Variants in LRP11 observed in about 807,000 individuals in gnomAD.
LRP11 encodes the protein LDL receptor related protein 11.
In LRP11, 25 loss-of-function variants were observed where a neutral mutation model predicts 43.1. The observed-to-expected ratio is 0.58, with a 90% CI of 0.42 to 0.81. The LOEUF (loss-of-function observed/expected upper bound fraction) is 0.81. Ranked by LOEUF, LRP11 falls within the 30% of genes least tolerant of loss-of-function variation. The pLI is 0.00. For missense variants in LRP11, 623 were observed against 665.1 expected (o/e 0.94, Z 0.70); for synonymous variants, 316 against 299.4 (o/e 1.06, Z -0.57).
chr6:149,862,315 C>G (rs1776917330), intron 1 of LRP11, among the ~76,000 whole-genome samples: 1 of 152,166 alleles, frequency 6.6e-6, no homozygotes, highest in Non-Finnish European at 1.5e-5. Flanking sequence ...TGAGCTCCGC[C>G]CCCATCTTGC....
At chr6:149,856,043 T>C (rs965146740) in intron 1 of LRP11, among the ~76,000 whole-genome samples, 5 of 152,260 alleles carry the variant, frequency 3.3e-5, no homozygotes, top group African/African-American at 1.2e-4. Context: ...CAATGGTTTA[T>C]GACTTTATAA....
At chr6:149,836,048 C>T (rs375880151) in intron 5 of LRP11, 37 bp downstream of exon 5, 5 of 1,571,738 alleles carry the variant, frequency 3.2e-6, no homozygotes, top group Non-Finnish European at 4.4e-6. Context: ...CTACAGAAAA[C>T]AAGGTTCTTC....
chr6:149,861,849 G>A (rs1776904915), intron 1 of LRP11, among the ~76,000 whole-genome samples: 1 of 152,162 alleles, frequency 6.6e-6, no homozygotes, highest in African/African-American at 2.4e-5. Context: ...TAAAATTTTT[G>A]TTCTATGGCA....
chr6:149,843,202 C>T (rs1351647048), intron 2 of LRP11, 78 bp from the exon 3 acceptor site: 1 of 1,564,904 alleles, frequency 6.4e-7, no homozygotes, highest in African/African-American at 1.4e-5. Flanking sequence ...ACCGAAAGTC[C>T]ATGTCCTCAG....
Position 149,858,766 on chromosome 6 carries a change from T to C in LRP11, c.613+4642A>G, listed in dbSNP as rs543531274. ...TAACCTAAGCTTCACAATTGCCACTTGAGTTTCCTAATCTGTACTACTGGA... is the reference window on the plus strand; with the variant it reads ...TAACCTAAGCTTCACAATTGCCACTCGAGTTTCCTAATCTGTACTACTGGA... On this transcript the variant is annotated intron_variant, in intron 1 of 6. Coordinates refer to ENST00000239367, the MANE Select transcript of LRP11 (RefSeq NM_032832.6). Among the ~76,000 whole-genome samples the C allele has an allele frequency of 4.7e-4, 72 of 152,240 alleles. No homozygotes were observed. In the Middle Eastern group the frequency reaches 0.01, roughly 22 times the overall value.
intron 5 of LRP11, among the ~76,000 whole-genome samples, chr6:149,826,872 T>C (rs1315014616): frequency 6.6e-6 from 1 of 152,122 alleles, no homozygotes; most frequent in Non-Finnish European, 1.5e-5. Flanking sequence ...AGGGCTGGGA[T>C]GCAAACTGGT....
chr6:149,823,421 TA>T (rs1261781741), intron 6 of LRP11, among the ~76,000 whole-genome samples: 3 of 152,156 alleles, frequency 2.0e-5, no homozygotes, highest in Non-Finnish European at 4.4e-5. Context: ...TCAGGGGCTT[TA>T]GCCAGATCAG....
intron 1 of LRP11, 115 bp downstream of exon 1, chr6:149,863,291 TTC>T: frequency 7.9e-7 from 1 of 1,269,064 alleles, no homozygotes; most frequent in Non-Finnish European, 1.0e-6. Flanking sequence ...CCAGAAACTC[TTC>T]TGGGTGCCCG....
At chr6:149,843,765 T>C (rs936075710) in intron 2 of LRP11, among the ~76,000 whole-genome samples, 5 of 152,116 alleles carry the variant, frequency 3.3e-5, no homozygotes, top group African/African-American at 1.2e-4. Flanking sequence ...CCCGCTTCCT[T>C]CCCATCTCCA....
chr6:149,825,787 T>C (rs964409492), intron 6 of LRP11, among the ~76,000 whole-genome samples: 1 of 152,006 alleles, frequency 6.6e-6, no homozygotes, highest in Non-Finnish European at 1.5e-5. Context: ...TCCCTGGGAC[T>C]ACAGGCGAAT....
chr6:149,838,051 G>A (rs560857078), intron 3 of LRP11, among the ~76,000 whole-genome samples: 1 of 152,106 alleles, frequency 6.6e-6, no homozygotes, highest in East Asian at 1.9e-4. Flanking sequence ...TGGAGTAGCT[G>A]GGACTACAGA....
chr6:149,859,772 G>GT (rs1384656885), intron 1 of LRP11, among the ~76,000 whole-genome samples: 2 of 152,040 alleles, frequency 1.3e-5, no homozygotes, highest in Admixed American at 6.6e-5. Flanking sequence ...TTGATATGAA[G>GT]TTTTTTATAA....
At position 149,864,157 on chromosome 6, in the gene LRP11, C is replaced by T. The variant is rs1776998389; in HGVS notation, c.-137G>A. On this transcript the variant is annotated 5_prime_UTR_variant, in exon 1 of 7. Coordinates refer to ENST00000239367, the MANE Select transcript of LRP11 (RefSeq NM_032832.6). ...AGGCCCCGGCCTCACAGCGCGGCGC[C>T]CCCGAACCCGGCTGCTCCCCCGAGG... 8.7e-7 allele frequency: 1 copy of T among 1,149,846 alleles called. No individual in the cohort carries two copies. The highest frequency in any genetic ancestry group is 4.4e-5 in the South Asian group (1 of 22,798). 71.2% of individuals were successfully genotyped at this position (1,149,846 alleles called of 1,614,324 possible).
At chr6:149,860,349 G>C (rs959636980) in intron 1 of LRP11, among the ~76,000 whole-genome samples, 2 of 151,992 alleles carry the variant, frequency 1.3e-5, no homozygotes, top group African/African-American at 4.8e-5. Context: ...AGTCCTTGGA[G>C]GTTATATTCC....
At chr6:149,847,272 C>T (rs1323301127) in intron 2 of LRP11, among the ~76,000 whole-genome samples, 1 of 152,222 alleles carries the variant, frequency 6.6e-6, no homozygotes, top group Non-Finnish European at 1.5e-5. Context: ...ATGCTTCCCC[C>T]CTGCCTGCCC....
At chr6:149,842,666 GGACCATCCA>G (rs1359943153) in intron 3 of LRP11, 17 of 1,550,984 alleles carry the variant, frequency 1.1e-5, no homozygotes, top group Non-Finnish European at 1.5e-5. Flanking sequence ...TGCAGCAAAT[GGACCATCCA>G]TCTGTAAACA....
Position 149,853,134 on chromosome 6 carries a change from C to G in LRP11, c.640G>C (p.Ala214Pro). Residue 214 changes from alanine (A) to proline (P), a missense_variant, in exon 2 of 7, where the codon GCT becomes CCT. By Grantham distance (27) the Ala-to-Pro change is conservative. Coordinates refer to ENST00000239367, the MANE Select transcript of LRP11 (RefSeq NM_032832.6). Reference sequence around the variant, plus strand: ...AGATGCAGAACCACATCCTGCCCAGCCTTGCTAAGTGGAGGCGCATCCTTT... The same window carrying G: ...AGATGCAGAACCACATCCTGCCCAGGCTTGCTAAGTGGAGGCGCATCCTTT... ...QEKDAPPLSK[A>P]GQDVVLHLPT... is the part of the protein sequence containing the mutation. 6.3e-7 allele frequency: 1 copy of G among 1,598,806 alleles called. No individual in the cohort carries two copies. The highest frequency in any genetic ancestry group is 1.7e-4 in the Middle Eastern group (1 of 6,018).
rs1474266805 is a variant in LRP11 at position 149,846,431 on chromosome 6, T to TCCCAGCTGCTCCGC, written c.772-3321_772-3308dup. 3.9e-5 allele frequency among the ~76,000 whole-genome samples: 6 copies of TCCCAGCTGCTCCGC among 152,290 alleles called. No homozygotes were observed. In the East Asian group the frequency reaches 1.2e-3, roughly 29 times the overall value. On this transcript the variant is annotated intron_variant, in intron 2 of 6. Coordinates refer to ENST00000239367, the MANE Select transcript of LRP11 (RefSeq NM_032832.6). ...AAGGTGACACAAGAAAGCTGCTCTG[T>TCCCAGCTGCTCCGC]CCCAGCTGCTCCGCCTGAAAGCAGA...
intron 6 of LRP11, 189 bp downstream of exon 6, chr6:149,826,075 A>G: frequency 1.7e-6 from 1 of 583,436 alleles, no homozygotes; most frequent in Non-Finnish European, 3.1e-6. Context: ...TGAGGTCCAA[A>G]GATGGAAGGT....
Sources: gnomAD v4.1 joint callset for allele counts (sites outside exome capture counted in the v4.1 genomes callset) on GRCh38, gnomAD v4.1.1 for gene constraint, MANE v1.5 for transcripts, NCBI Gene and HGNC (gene_info 2026-07-23, HGNC 2026-07-21) for gene names.